PLCG2: variants seen among roughly 807,000 people sequenced by gnomAD.
PLCG2 encodes phospholipase C gamma 2.
Under a neutral mutation model 175.6 loss-of-function variants are expected in PLCG2, and 69 were observed. The observed-to-expected ratio is 0.39, with a 90% confidence interval of 0.32 to 0.48. The LOEUF is 0.48. Among genes scored for constraint, PLCG2 ranks in the 20% least tolerant of loss-of-function variants. PLCG2 has a pLI of 0.91. For missense variants in PLCG2, 1,798 were observed against 1,650.9 expected (o/e 1.09, Z -1.54); for synonymous variants, 827 against 624.0 (o/e 1.33, Z -4.85).
At chr16:81,782,135 C>T (rs1223226701) in intron 1 of PLCG2, among the ~76,000 whole-genome samples, 1 of 152,106 alleles carries the variant, frequency 6.6e-6, no homozygotes, top group East Asian at 1.9e-4. Flanking sequence ...CTCGGCCTCC[C>T]AAAGTGCTGG....
rs538319527 is a variant in PLCG2, at chr16:81,891,703, T to C, written c.986+113T>C. On this transcript the variant is annotated intron_variant, in intron 11 of 32. Transcript: ENST00000564138. The stretch of plus-strand genomic sequence containing the variant: ...CCTGTTGTGAAGCAGGTGGAGGGTG[T>C]AGCACCGCATTCCTTGGACTAAAAT... The C allele has an allele frequency of 1.1e-4, 73 of 664,704 alleles. 1 individual carries two copies. The highest frequency in any genetic ancestry group is 8.2e-4 in the Middle Eastern group (2 of 2,444). 41.2% of individuals were successfully genotyped at this position (664,704 alleles called of 1,614,324 possible).
intron 2 of PLCG2, among the ~76,000 whole-genome samples, chr16:81,835,514 G>A (rs1157897399): frequency 2.0e-5 from 3 of 152,138 alleles, no homozygotes; most frequent in Non-Finnish European, 4.4e-5. Context: ...GGGAGGTGGA[G>A]GTTGCTGTGA....
chr16:81,783,038 C>A (rs1290425660), intron 1 of PLCG2: 3 of 442,958 alleles, frequency 6.8e-6, no homozygotes, highest in East Asian at 7.0e-5. Context: ...CTGGAAGTAA[C>A]TGGGACCCTG....
intron 2 of PLCG2, among the ~76,000 whole-genome samples, chr16:81,791,351 G>T (rs546027398): frequency 6.6e-6 from 1 of 152,234 alleles, no homozygotes; most frequent in East Asian, 1.9e-4. Context: ...AGGGATGGCT[G>T]CCCTGATCCT....
chr16:81,900,525 C>A, intron 13 of PLCG2, 87 bp from the exon 14 acceptor site: 3 of 1,247,264 alleles, frequency 2.4e-6, no homozygotes, highest in Non-Finnish European at 3.3e-6. Context: ...TTTCTGTCGT[C>A]CCAGGGAGCT....
chr16:81,879,032 A>T (rs1222916457), intron 7 of PLCG2, among the ~76,000 whole-genome samples: 1 of 152,132 alleles, frequency 6.6e-6, no homozygotes, highest in Non-Finnish European at 1.5e-5. Context: ...TTCTGGGAGC[A>T]TCTGTACCAT....
chr16:81,839,793 G>A (rs888745587), intron 2 of PLCG2, among the ~76,000 whole-genome samples: 1 of 152,220 alleles, frequency 6.6e-6, no homozygotes, highest in African/African-American at 2.4e-5. Context: ...GCTCATGCCT[G>A]TAATCCCAAC....
chr16:81,905,700 C>G (rs1909339162), intron 15 of PLCG2, among the ~76,000 whole-genome samples, 193 bp downstream of exon 15: 3 of 152,128 alleles, frequency 2.0e-5, no homozygotes, highest in African/African-American at 7.2e-5. Flanking sequence ...ACTCTGTCGC[C>G]CAGGCTGGAG....
At chr16:81,878,057 C>T (rs1228433542) in intron 7 of PLCG2, among the ~76,000 whole-genome samples, 1 of 138,152 alleles carries the variant, frequency 7.2e-6, no homozygotes, top group Non-Finnish European at 1.5e-5. Context: ...TCTCGGCTCA[C>T]TGCAAGCTCT....
chr16:81,939,036 C>T (rs1235191446), intron 29 of PLCG2, 121 bp downstream of exon 29: 2 of 647,958 alleles, frequency 3.1e-6, no homozygotes, highest in South Asian at 1.8e-5. Flanking sequence ...TCTTTCCTCC[C>T]TCTTGCCCAC....
intron 1 of PLCG2, among the ~76,000 whole-genome samples, chr16:81,781,672 C>A (rs1156436666): frequency 6.6e-6 from 1 of 152,154 alleles, no homozygotes; most frequent in East Asian, 1.9e-4. Flanking sequence ...GTGTAAGGTG[C>A]AGCAGTAATG....
At position 81,795,824 on chromosome 16, in the gene PLCG2, C is replaced by A. The variant is rs528716146; in HGVS notation, c.193+9642C>A. On this transcript the variant is annotated intron_variant, in intron 2 of 32. Transcript: ENST00000564138. ...AAGTGATCCTCCTGCTTTGGCCTCC[C>A]AAAGAGCTGGGATCACAGGCATGGG... Among the ~76,000 whole-genome samples the A allele has an allele frequency of 3.4e-4, 52 of 152,316 alleles. No individual in the cohort carries two copies. In the Middle Eastern group the frequency reaches 0.01, roughly 30 times the overall value.
chr16:81,925,189 C>T (rs1002452053), intron 22 of PLCG2, among the ~76,000 whole-genome samples: 1 of 152,218 alleles, frequency 6.6e-6, no homozygotes, highest in Non-Finnish European at 1.5e-5. Context: ...TGGCAAGGGA[C>T]TGTGGGCAAA....
Position 81,956,862 on chromosome 16 carries a change from G to C in PLCG2, c.3738G>C (p.Gln1246His). ...SVNENQLQLY[Q>H]EKCNKRLREK... Reference sequence around the variant, plus strand: ...ATGAGAACCAGCTCCAGCTGTACCAGGAGAAATGCAACAAGAGGTAGGTCA... The same window carrying C: ...ATGAGAACCAGCTCCAGCTGTACCACGAGAAATGCAACAAGAGGTAGGTCA... Residue 1246 changes from glutamine to histidine, a missense_variant, in exon 32 of 33, where the codon CAG (glutamine) becomes CAC (histidine). Physicochemically the swap from Gln to His is conservative, Grantham distance 24. Transcript: ENST00000564138. 2 of 1,613,638 alleles carry C rather than the reference G, an allele frequency of 1.2e-6. No individual in the cohort carries two copies. The highest frequency in any genetic ancestry group is 1.7e-6 in the Non-Finnish European group (2 of 1,179,752).
intron 19 of PLCG2, 74 bp downstream of exon 19, chr16:81,912,790 A>G (rs957414667): frequency 4.0e-6 from 6 of 1,481,928 alleles, no homozygotes; most frequent in South Asian, 1.4e-5. Context: ...ACAAGGGGGA[A>G]CTTCAGGTGG....
chr16:81,926,412 A>C (rs1470777810), intron 22 of PLCG2, among the ~76,000 whole-genome samples: 1 of 152,208 alleles, frequency 6.6e-6, no homozygotes, highest in Non-Finnish European at 1.5e-5. Flanking sequence ...GCCGGGAGGA[A>C]TCTTAGAGGT....
intron 13 of PLCG2, among the ~76,000 whole-genome samples, chr16:81,896,264 C>G (rs1327522375): frequency 6.6e-6 from 1 of 152,166 alleles, no homozygotes; most frequent in African/African-American, 2.4e-5. Flanking sequence ...CGCAGTGGCT[C>G]ACGCCTGTAA....
chr16:81,941,464 C>G (rs1377783111), intron 30 of PLCG2, among the ~76,000 whole-genome samples: 1 of 152,122 alleles, frequency 6.6e-6, no homozygotes, highest in Non-Finnish European at 1.5e-5. Flanking sequence ...TTGACAGAAC[C>G]AAACTATGTC....
intron 2 of PLCG2, among the ~76,000 whole-genome samples, chr16:81,825,198 C>G (rs1266841108): frequency 6.6e-6 from 1 of 152,106 alleles, no homozygotes; most frequent in African/African-American, 2.4e-5. Context: ...TGGGGCCATC[C>G]TGGCCTCAGT....
Sources: allele counts gnomAD v4.1 joint callset (sites outside exome capture counted in the v4.1 genomes callset), GRCh38; gene constraint gnomAD v4.1.1; transcripts MANE v1.5; gene names NCBI Gene and HGNC (gene_info 2026-07-23, HGNC 2026-07-21).